GRIK5: variants seen among roughly 807,000 people sequenced by gnomAD.
GRIK5 encodes glutamate receptor ionotropic, kainate 5.
In GRIK5, 43 loss-of-function variants were observed where a neutral mutation model predicts 97.4. That is an observed-to-expected ratio of 0.44 (90% CI 0.35 to 0.57). GRIK5 has a LOEUF of 0.57. Among genes scored for constraint, GRIK5 ranks in the 20% least tolerant of loss-of-function variants. GRIK5 has a pLI of 0.01. For synonymous variants in GRIK5, 580 were observed against 583.5 expected (o/e 0.99, Z 0.09); for missense variants, 1,015 against 1,382.0 (o/e 0.73, Z 4.21).
intron 11 of GRIK5, among the ~76,000 whole-genome samples, chr19:42,045,683 GAACC>G (rs2076034684): frequency 6.6e-6 from 1 of 152,154 alleles, no homozygotes; most frequent in Non-Finnish European, 1.5e-5. Flanking sequence ...TGCCTTTCCA[GAACC>G]AAAATTGTGG....
intron 12 of GRIK5, among the ~76,000 whole-genome samples, chr19:42,036,791 T>C (rs574179438): frequency 1.1e-4 from 17 of 152,314 alleles, no homozygotes; most frequent in African/African-American, 3.6e-4. Flanking sequence ...GCTGGGGACA[T>C]AGCTAAGTAG....
chr19:42,045,128 A>T (rs2076027503), intron 11 of GRIK5, among the ~76,000 whole-genome samples: 1 of 152,210 alleles, frequency 6.6e-6, no homozygotes, highest in Admixed American at 6.5e-5. Context: ...TCATTCATTC[A>T]ACACACAATT....
At position 42,021,252 on chromosome 19, in the gene GRIK5, G is replaced by C; in HGVS notation, c.1871+49C>G. 2 of 1,522,880 alleles carry C rather than the reference G, an allele frequency of 1.3e-6. No individual in the cohort carries two copies. The highest frequency in any genetic ancestry group is 2.4e-5 in the South Asian group (2 of 84,320). The allele number at this position is 1,522,880 out of a possible 1,614,324, so 94.3% of individuals were successfully genotyped here. A position where few individuals can be genotyped will look rare whatever the true frequency, so the allele number is the denominator to read the frequency against. On this transcript the variant is annotated intron_variant, in intron 15 of 19. Coordinates refer to ENST00000593562, the MANE Select transcript of GRIK5 (RefSeq NM_002088.5). The surrounding 1 kb of genome is among the most constrained non-coding windows in gnomAD (Gnocchi z 4.2). Reference sequence around the variant, plus strand: ...CAGCCCCAACCCCATCCAGGCCTCAGATGGGTCCCTCCCTCGCCCCGGGCA... The same window carrying C: ...CAGCCCCAACCCCATCCAGGCCTCACATGGGTCCCTCCCTCGCCCCGGGCA...
rs1555870379 is a variant in GRIK5, at chr19:41,999,246, G to C, written c.2568C>G (p.Arg856=). The change falls in exon 20 of 20, where the codon CGC becomes CGG. Residue 856 remains arginine, a synonymous_variant. Coordinates refer to ENST00000593562, the MANE Select transcript of GRIK5 (RefSeq NM_002088.5). The surrounding 1 kb of genome is among the most constrained non-coding windows in gnomAD (Gnocchi z 5.0). ...LQELRHAVSC[R]KTSRSRRRRR... ...GGCGCCGGCGGGAACGCGACGTCTT[G>C]CGGCAAGAAACGGCGTGGCGCAGCT... 20 of 1,524,560 alleles carry C rather than the reference G, an allele frequency of 1.3e-5. No individual in the cohort carries two copies. The highest frequency in any genetic ancestry group is 1.1e-5 in the Non-Finnish European group (13 of 1,142,710). 94.4% of individuals were successfully genotyped at this position (1,524,560 alleles called of 1,614,324 possible).
intron 15 of GRIK5, among the ~76,000 whole-genome samples, chr19:42,015,464 G>A (rs1055042260): frequency 1.3e-5 from 2 of 152,204 alleles, no homozygotes; most frequent in Admixed American, 6.5e-5. Flanking sequence ...CTCTGACCAC[G>A]ATGGAGCTAA....
At chr19:42,066,381 G>C (rs2076332317) in intron 1 of GRIK5, among the ~76,000 whole-genome samples, 2 of 151,440 alleles carry the variant, frequency 1.3e-5, no homozygotes, top group Non-Finnish European at 2.9e-5. Flanking sequence ...CTGGGAGTTA[G>C]GAAACTTCGG....
chr19:42,010,520 G>T (rs1328114693), intron 15 of GRIK5, among the ~76,000 whole-genome samples: 1 of 152,178 alleles, frequency 6.6e-6, no homozygotes, highest in Non-Finnish European at 1.5e-5. Context: ...GATGCAACAT[G>T]CTGAAAGAAA....
chr19:42,042,549 T>C lies in GRIK5; in HGVS notation c.1473+3A>G. ...ATCTTTCCCGGCCCCAGTCCAGCCA[T>C]ACCCGGTTGATGAGCTCGCCAACCA... On this transcript the variant is annotated splice_donor_region_variant and intron_variant, in intron 12 of 19. Coordinates refer to ENST00000593562, the MANE Select transcript of GRIK5 (RefSeq NM_002088.5). This position sits in a 1 kb window ranked among gnomAD's most constrained non-coding sequence, Gnocchi z 6.9. The C allele has an allele frequency of 1.2e-6, 2 of 1,607,704 alleles. No individual in the cohort carries two copies. Among genetic ancestry groups the C allele is most frequent in the Admixed American group, 1.7e-5 (1 of 59,968 alleles).
chr19:42,061,626 C>T (rs1389685748), intron 5 of GRIK5, among the ~76,000 whole-genome samples: 6 of 152,238 alleles, frequency 3.9e-5, no homozygotes, highest in South Asian at 2.1e-4. Flanking sequence ...ACGTGTGCCC[C>T]GATGAATCGT....
chr19:42,033,083 G>A (rs541416177), intron 12 of GRIK5, among the ~76,000 whole-genome samples: 1 of 152,326 alleles, frequency 6.6e-6, no homozygotes, highest in Non-Finnish European at 1.5e-5. Flanking sequence ...ACTCTGGGAG[G>A]CTGAAGCGGG....
At chr19:42,041,679 C>G (rs777686620) in intron 12 of GRIK5, among the ~76,000 whole-genome samples, 1 of 152,170 alleles carries the variant, frequency 6.6e-6, no homozygotes, top group Non-Finnish European at 1.5e-5. Flanking sequence ...ATTCTGCCCA[C>G]GCTCAGGCCC....
chr19:42,004,045 GC>G (rs2075457747), intron 17 of GRIK5, among the ~76,000 whole-genome samples: 1 of 152,126 alleles, frequency 6.6e-6, no homozygotes, highest in African/African-American at 2.4e-5. Flanking sequence ...TAGGACCTTT[GC>G]CTCTGCCTGG....
chr19:42,066,654 T>G (rs2076336893), intron 1 of GRIK5, among the ~76,000 whole-genome samples: 1 of 142,904 alleles, frequency 7.0e-6, no homozygotes. Context: ...AAGAGGAGAG[T>G]TACAGGGAGG....
chr19:42,001,064 T>A (rs1255707696), intron 19 of GRIK5, among the ~76,000 whole-genome samples: 5 of 151,534 alleles, frequency 3.3e-5, no homozygotes, highest in Non-Finnish European at 5.9e-5. Flanking sequence ...TTTACCTAAC[T>A]CTCACATACC....
At chr19:42,018,208 C>T (rs1320006150) in intron 15 of GRIK5, among the ~76,000 whole-genome samples, 1 of 150,356 alleles carries the variant, frequency 6.7e-6, no homozygotes, top group Non-Finnish European at 1.5e-5. Flanking sequence ...CCTGTAGTCC[C>T]AGCTACTCGG....
intron 6 of GRIK5, among the ~76,000 whole-genome samples, chr19:42,058,999 A>C (rs906073369): frequency 6.6e-6 from 1 of 151,918 alleles, no homozygotes; most frequent in Non-Finnish European, 1.5e-5. Context: ...TTCTCTCCCC[A>C]TCACTCGCTC....
Position 42,062,573 on chromosome 19 carries a change from A to T in GRIK5, c.423T>A (p.Ser141Arg). 2 of 1,614,164 alleles carry T rather than the reference A, an allele frequency of 1.2e-6. No individual in the cohort carries two copies. The highest frequency in any genetic ancestry group is 1.7e-6 in the Non-Finnish European group (2 of 1,180,010). The change falls in exon 5 of 20, where the codon AGT (serine) becomes AGA (arginine). Residue 141 changes from serine (S) to arginine (R), a missense_variant. Physicochemically the swap from Ser to Arg is moderately radical, Grantham distance 110. Transcript: ENST00000593562. The surrounding 1 kb of genome is among the most constrained non-coding windows in gnomAD (Gnocchi z 5.3). The part of the protein sequence containing the change: ...LRFASVSLYP[S>R]NEDVSLAVSR... ...AGACCGCCAAGCTGACGTCCTCGTT[A>T]CTGGGGTACAGGCTGACAGACGCGA...
rs768166332 is a variant in GRIK5, at chr19:42,065,347, C to T, written c.120G>A (p.Glu40=). 25 of 1,607,138 alleles carry T rather than the reference C, an allele frequency of 1.6e-5. No homozygotes were observed. The East Asian group carries it at 3.4e-4, about 22-fold the overall frequency. The part of the protein sequence containing the change: ...LDDQTVCGRG[E]RLALALAREQ... ...CCCGGGCCAAGGCCAAGGCCAGACG[C>T]TCACCGCGGCCACACACTGTCTGAT... Residue 40 remains glutamate (E), a synonymous_variant, in exon 3 of 20, where the codon GAG becomes GAA. Coordinates refer to ENST00000593562, the MANE Select transcript of GRIK5 (RefSeq NM_002088.5). The surrounding 1 kb of genome is among the most constrained non-coding windows in gnomAD (Gnocchi z 5.8).
intron 11 of GRIK5, among the ~76,000 whole-genome samples, chr19:42,049,605 G>A (rs1359234373): frequency 6.6e-6 from 1 of 152,140 alleles, no homozygotes; most frequent in South Asian, 2.1e-4. Context: ...CTGAGATGGG[G>A]GTTAGCCTTG....
Sources: allele counts gnomAD v4.1 joint callset (sites outside exome capture counted in the v4.1 genomes callset), GRCh38; gene constraint gnomAD v4.1.1; non-coding constraint Gnocchi (gnomAD v3.1); transcripts MANE v1.5; gene names NCBI Gene and HGNC (gene_info 2026-07-23, HGNC 2026-07-21).